LGI4: variants seen among roughly 807,000 people sequenced by gnomAD.
The protein encoded by LGI4 is leucine-rich repeat LGI family member 4.
A neutral mutation model predicts 48.3 loss-of-function variants in LGI4; 36 were observed. That is an observed-to-expected ratio of 0.75 (90% CI 0.57 to 0.98). The LOEUF is 0.98. LGI4 is among the 50% of genes least tolerant of loss of function. LGI4 has a pLI of 0.00. For missense variants in LGI4, 701 were observed against 732.1 expected (o/e 0.96, Z 0.49); for synonymous variants, 355 against 331.6 (o/e 1.07, Z -0.77).
At chr19:35,125,589 G>C in intron 8 of LGI4, 82 bp from the exon 9 acceptor site, 1 of 1,227,372 alleles carries the variant, frequency 8.1e-7, no homozygotes, top group Non-Finnish European at 1.1e-6. Context: ...GAAGCCTGTC[G>C]GTCCCAAAAC....
chr19:35,134,575 C>G lies in LGI4; in HGVS notation c.106G>C (p.Asp36His). 6.3e-7 allele frequency: 1 copy of G among 1,585,422 alleles called. No individual in the cohort carries two copies. The highest frequency in any genetic ancestry group is 8.6e-7 in the Non-Finnish European group (1 of 1,166,408). Residue 36 changes from aspartate to histidine, a missense_variant, in exon 1 of 9, where the codon GAC becomes CAC. Coordinates refer to ENST00000310123, the MANE Select transcript of LGI4 (RefSeq NM_139284.3). ...KCPLRCSCSKDSALCEGSPDL... is the reference protein window; with the variant it reads ...KCPLRCSCSKHSALCEGSPDL... ...GGGGAGCCCTCACACAGGGCGCTGT[C>G]TTTAGAGCAGGAGCAGCGCAGGGGA...
chr19:35,127,581 T>C (rs1177200204), intron 6 of LGI4, among the ~76,000 whole-genome samples: 1 of 152,098 alleles, frequency 6.6e-6, no homozygotes, highest in Non-Finnish European at 1.5e-5. Flanking sequence ...AGAGATGGGG[T>C]TTCACCATGT....
Position 35,125,381 on chromosome 19 carries a change from T to C in LGI4, c.1426A>G (p.Ser476Gly), listed in dbSNP as rs1263570175. Reference sequence around the variant, plus strand: ...TCAGGCTCAAGGCGGAGGACCTGGCTGAAGGCGAAGTCGCTGCCTAGGATG... The same window carrying C: ...TCAGGCTCAAGGCGGAGGACCTGGCCGAAGGCGAAGTCGCTGCCTAGGATG... ...LAILGSDFAF[S>G]QVLRLEPDKG... The change falls in exon 9 of 9, where the codon AGC (serine) becomes GGC (glycine). Residue 476 changes from serine (S) to glycine (G), a missense_variant. Ser to Gly is a moderately conservative substitution (Grantham distance 56). Coordinates refer to ENST00000310123, the MANE Select transcript of LGI4 (RefSeq NM_139284.3). 1 of 1,613,198 alleles carries C rather than the reference T, an allele frequency of 6.2e-7. No homozygotes were observed. The highest frequency in any genetic ancestry group is 8.5e-7 in the Non-Finnish European group (1 of 1,179,522).
intron 6 of LGI4, among the ~76,000 whole-genome samples, chr19:35,129,890 C>T (rs542198424): frequency 2.0e-5 from 3 of 151,996 alleles, no homozygotes; most frequent in Non-Finnish European, 2.9e-5. Context: ...GTGTAAAACC[C>T]GATCGTACAT....
intron 6 of LGI4, among the ~76,000 whole-genome samples, chr19:35,130,913 T>G (rs1673008): frequency 0.95 from 145,014 of 152,210 alleles, 69,103 homozygotes; most frequent in East Asian, 1. Context: ...TCCTCTGGAC[T>G]TTGAACTCTT....
intron 3 of LGI4, among the ~76,000 whole-genome samples, chr19:35,132,563 C>A (rs1388121154): frequency 2.0e-5 from 3 of 152,120 alleles, no homozygotes; most frequent in Non-Finnish European, 4.4e-5. Context: ...ACCCCAAGAC[C>A]AATAACTGCT....
chr19:35,131,775 C>G lies in LGI4; in HGVS notation c.458+14G>C. ...TCCCCAACCCCCCACATTCCCAGCC[C>G]CCATGAGCCTCACACATGAGTAAGG... On this transcript the variant is annotated intron_variant, in intron 5 of 8. Coordinates refer to ENST00000310123, the MANE Select transcript of LGI4 (RefSeq NM_139284.3). 6.5e-7 allele frequency: 1 copy of G among 1,542,586 alleles called. No individual in the cohort carries two copies. The highest frequency in any genetic ancestry group is 1.2e-5 in the South Asian group (1 of 83,954).
chr19:35,131,139 G>C (rs533969217), intron 6 of LGI4: 96 of 617,934 alleles, frequency 1.6e-4, no homozygotes, highest in Middle Eastern at 3.5e-4. Flanking sequence ...AGGACCTCCT[G>C]TCCCAGGCCC....
In LGI4 at chr19:35,131,494, G is replaced by A. The variant is rs866903315; in HGVS notation, c.520C>T (p.Pro174Ser). 6.4e-7 allele frequency: 1 copy of A among 1,551,166 alleles called. No homozygotes were observed. Among genetic ancestry groups the A allele is most frequent in the Non-Finnish European group, 8.7e-7 (1 of 1,146,946 alleles). Reference protein sequence around the residue: ...CRVLWLLQWMPTVNASVGTGA... With the variant: ...CRVLWLLQWMSTVNASVGTGA... ...GTCCCCACGCTGGCATTCACGGTGG[G>A]CATCCACTGCAGGAGCCAGAGGACG... Residue 174 changes from proline to serine, a missense_variant, in exon 6 of 9, where the codon CCC (proline) becomes TCC (serine). Coordinates refer to ENST00000310123, the MANE Select transcript of LGI4 (RefSeq NM_139284.3).
At position 35,131,399 on chromosome 19, in the gene LGI4, C is replaced by G; in HGVS notation, c.615G>C (p.Lys205Asn). 6.4e-7 allele frequency: 1 copy of G among 1,550,664 alleles called. No individual in the cohort carries two copies. The highest frequency in any genetic ancestry group is 1.2e-5 in the South Asian group (1 of 83,918). The stretch of plus-strand genomic sequence containing the variant: ...AAAGCCCCCCACCTATGGCTCTGCA[C>G]TTGAAAGTCTTGGGGTCGAGGTGGT... Reference protein sequence around the residue: ...QLHHLDPKTFKCRAIELSWFQ... With the variant: ...QLHHLDPKTFNCRAIELSWFQ... The change falls in exon 6 of 9, where the codon AAG becomes AAC. Residue 205 changes from lysine (K) to asparagine (N), a missense_variant. Physicochemically the swap from Lys to Asn is moderately conservative, Grantham distance 94 (BLOSUM62 0). This residue lies in a region of LGI4 where 462 missense variants were observed against 436.4 expected (regional missense o/e 1.06). Transcript: ENST00000310123.
At position 35,125,560 on chromosome 19, in the gene LGI4, G is replaced by C. The variant is rs12976269; in HGVS notation, c.1300-53C>G. ...GGGGTCCCGGGGGTCTCTGGGGGCC[G>C]TGGAACAGCTTGGAAGCAGAAGCCT... On this transcript the variant is annotated intron_variant, in intron 8 of 8. Transcript: ENST00000310123. 516,620 of 1,434,826 alleles carry C rather than the reference G, an allele frequency of 0.36. 95,539 individuals are homozygous for C. Among genetic ancestry groups the C allele is most frequent in the South Asian group, 0.55 (39,736 of 71,904 alleles). The allele number at this position is 1,434,826 out of a possible 1,614,324, so 88.9% of individuals were successfully genotyped here.
In LGI4 at chr19:35,131,780, G is replaced by C; in HGVS notation, c.458+9C>G. ...AACCCCCCACATTCCCAGCCCCCAT[G>C]AGCCTCACACATGAGTAAGGGTGTC... is the stretch of plus-strand genomic sequence containing the variant. On this transcript the variant is annotated intron_variant, in intron 5 of 8. Coordinates refer to ENST00000310123, the MANE Select transcript of LGI4 (RefSeq NM_139284.3). 6.5e-7 allele frequency: 1 copy of C among 1,545,426 alleles called. No homozygotes were observed. Among genetic ancestry groups the C allele is most frequent in the Non-Finnish European group, 8.8e-7 (1 of 1,139,226 alleles).
chr19:35,126,868 CG>C lies in LGI4; in HGVS notation c.777del (p.Glu260ArgfsTer210), dbSNP rs2065143107. On this transcript the variant is annotated frameshift_variant, in exon 7 of 9. Coordinates refer to ENST00000310123, the MANE Select transcript of LGI4 (RefSeq NM_139284.3). LOFTEE classifies it high-confidence loss of function. ...GGGGGCTCACCGGGCAGCTCTTCCT[CG>C]GGCCGGAAGCGCTGCAGGCTGTAGT... ...SWDYSLQRFR[P>X]EEELPAASVV... 1.9e-6 allele frequency: 3 copies of C among 1,611,682 alleles called. No individual in the cohort carries two copies. Among genetic ancestry groups the C allele is most frequent in the South Asian group, 1.1e-5 (1 of 91,068 alleles).
At position 35,126,780 on chromosome 19, in the gene LGI4, G is replaced by A. The variant is rs954966936; in HGVS notation, c.794-5C>T. The A allele has an allele frequency of 4.5e-6, 7 of 1,561,116 alleles. No individual in the cohort carries two copies. Among genetic ancestry groups the A allele is most frequent in the Non-Finnish European group, 6.0e-6 (7 of 1,158,966 alleles). ...TGCAGGACACCACGGAGGCCGCTGT[G>A]GGGAGGTGGGGAGGCAGGTCAGGCC... On this transcript the variant is annotated splice_region_variant and splice_polypyrimidine_tract_variant and intron_variant, in intron 7 of 8. Coordinates refer to ENST00000310123, the MANE Select transcript of LGI4 (RefSeq NM_139284.3).
In LGI4 at chr19:35,124,962, A is replaced by C. The variant is rs1242783774; in HGVS notation, c.*231T>G. The C allele has an allele frequency of 2.5e-6, 1 of 398,918 alleles. No homozygotes were observed. Among genetic ancestry groups the C allele is most frequent in the Admixed American group, 4.1e-5 (1 of 24,614 alleles). The allele number at this position is 398,918 out of a possible 1,614,324, so 24.7% of individuals were successfully genotyped here. On this transcript the variant is annotated 3_prime_UTR_variant, in exon 9 of 9. Transcript: ENST00000310123. ...AATCTGCCCCAGCCGAGATGTCCAGATGTTGCTTTAGACCTGAAGGGCAGC... is the reference window on the plus strand; with the variant it reads ...AATCTGCCCCAGCCGAGATGTCCAGCTGTTGCTTTAGACCTGAAGGGCAGC...
intron 6 of LGI4, among the ~76,000 whole-genome samples, chr19:35,127,257 T>C (rs570191216): frequency 6.6e-5 from 10 of 152,324 alleles, no homozygotes; most frequent in African/African-American, 2.4e-4. Flanking sequence ...CAATCATAGC[T>C]CAATGCAGCC....
intron 6 of LGI4, among the ~76,000 whole-genome samples, chr19:35,129,678 C>T (rs2065162100): frequency 6.6e-6 from 1 of 152,166 alleles, no homozygotes; most frequent in East Asian, 1.9e-4. Context: ...CCCAAGAAAG[C>T]CTGGGTATTG....
chr19:35,130,163 T>C (rs2065165083), intron 6 of LGI4, among the ~76,000 whole-genome samples: 1 of 152,156 alleles, frequency 6.6e-6, no homozygotes, highest in Admixed American at 6.5e-5. Context: ...GTACAGATAG[T>C]GATCAATAAA....
chr19:35,126,942 A>G lies in LGI4; in HGVS notation c.704T>C (p.Ile235Thr). ...EPFSYQGEPH[I>T]VLAQPFAGRC... is the part of the protein sequence containing the mutation. ...GCCGGCGAAGGGCTGTGCCAGCACA[A>G]TGTGAGGCTCCCCTTGGTAGGAGAA... Residue 235 changes from isoleucine to threonine, a missense_variant, in exon 7 of 9, where the codon ATT becomes ACT. Around this residue, in one of 3 missense-constraint regions of LGI4, gnomAD observed 462 missense variants for 436.4 expected, o/e 1.06. Coordinates refer to ENST00000310123, the MANE Select transcript of LGI4 (RefSeq NM_139284.3). 1.2e-6 allele frequency: 2 copies of G among 1,613,804 alleles called. No homozygotes were observed. The highest frequency in any genetic ancestry group is 1.7e-6 in the Non-Finnish European group (2 of 1,179,924).
Sources: allele counts gnomAD v4.1 joint callset (sites outside exome capture counted in the v4.1 genomes callset), GRCh38; gene constraint gnomAD v4.1.1; regional missense constraint gnomAD v4.1.1; transcripts MANE v1.5; gene names NCBI Gene and HGNC (gene_info 2026-07-23, HGNC 2026-07-21).